The following SHISA9 variants were observed in gnomAD, a reference collection of about 807,000 sequenced individuals.
The protein encoded by SHISA9 is shisa family member 9.
A neutral mutation model predicts 38.0 loss-of-function variants in SHISA9; 13 were observed. The ratio of observed to expected loss-of-function variants is 0.34; its 90% confidence interval spans 0.22 to 0.54. The LOEUF (loss-of-function observed/expected upper bound fraction) is 0.54. Among genes scored for constraint, SHISA9 ranks in the 20% least tolerant of loss-of-function variants. The probability of loss-of-function intolerance (pLI) is 0.91; values close to 1 mark genes in which losing one functional copy is unlikely to be tolerated. For synonymous variants in SHISA9, 275 were observed against 242.0 expected (o/e 1.14, Z -1.27); for missense variants, 538 against 575.8 (o/e 0.93, Z 0.67).
At position 12,916,814 on chromosome 16, in the gene SHISA9, T is replaced by C. The variant is rs1408494780; in HGVS notation, c.690T>C (p.Leu230=). 1.3e-6 allele frequency: 2 copies of C among 1,551,544 alleles called. No individual in the cohort carries two copies. The highest frequency in any genetic ancestry group is 2.4e-5 in the South Asian group (2 of 84,036). ...NMDTRTPINN[L]HATQMNNAVP... is the part of the protein sequence containing the mutation. ...ACACGAGAACCCCCATAAATAATCT[T>C]CGTAAGTACAGCTGCATGAACCATT... Residue 230 remains leucine, a splice_region_variant and synonymous_variant, in exon 2 of 5, where the codon CTT becomes CTC. Transcript: ENST00000558583.
chr16:13,283,981 T>G, the SHISA9 span, among the ~76,000 whole-genome samples: 22 of 152,270 alleles, frequency 1.4e-4, no homozygotes, highest in African/African-American at 5.3e-4. Flanking sequence ...CACTTACAAG[T>G]GACCCCCTGC....
the SHISA9 span, among the ~76,000 whole-genome samples, chr16:13,461,600 G>A: frequency 7.0e-6 from 1 of 143,636 alleles, no homozygotes; most frequent in Non-Finnish European, 1.5e-5. Flanking sequence ...AAGATTTATA[G>A]ACTTTCTTTT....
chr16:13,451,956 C>G, the SHISA9 span, among the ~76,000 whole-genome samples: 1 of 152,180 alleles, frequency 6.6e-6, no homozygotes, highest in Non-Finnish European at 1.5e-5. Context: ...AGAAGGGGTA[C>G]AGAGAGACTG....
chr16:13,370,777 G>A, the SHISA9 span, among the ~76,000 whole-genome samples: 1 of 152,054 alleles, frequency 6.6e-6, no homozygotes, highest in Admixed American at 6.6e-5. Flanking sequence ...TTAAATATTA[G>A]AAGCCAAATT....
At chr16:13,404,813 A>T in the SHISA9 span, among the ~76,000 whole-genome samples, 1 of 152,226 alleles carries the variant, frequency 6.6e-6, no homozygotes, top group Non-Finnish European at 1.5e-5. Flanking sequence ...AGAAATGGAC[A>T]TGTGATCCAG....
At chr16:13,494,989 T>C in the SHISA9 span, among the ~76,000 whole-genome samples, 287 of 152,358 alleles carry the variant, frequency 1.9e-3, no homozygotes, top group African/African-American at 6.4e-3. Context: ...GATTACATAC[T>C]GTATGATTGC....
chr16:13,235,467 A>C lies in SHISA9; in HGVS notation c.*58A>C. On this transcript the variant is annotated 3_prime_UTR_variant, in exon 5 of 5. Transcript: ENST00000558583. The stretch of plus-strand genomic sequence containing the variant: ...ACTCAACTGAGAGAGGCAAAAAACA[A>C]CCCCGCCCACACCCTCCCCATCCTC... 1 of 1,471,436 alleles carries C rather than the reference A, an allele frequency of 6.8e-7. No individual in the cohort carries two copies. The highest frequency in any genetic ancestry group is 9.0e-7 in the Non-Finnish European group (1 of 1,112,732). The allele number at this position is 1,471,436 out of a possible 1,614,324, so 91.1% of individuals were successfully genotyped here.
chr16:13,405,112 A>C, the SHISA9 span, among the ~76,000 whole-genome samples: 1 of 152,200 alleles, frequency 6.6e-6, no homozygotes, highest in Non-Finnish European at 1.5e-5. Context: ...CTCAGAGAAA[A>C]TATAGGGATG....
At chr16:13,560,172 C>G in the SHISA9 span, among the ~76,000 whole-genome samples, 3 of 152,306 alleles carry the variant, frequency 2.0e-5, no homozygotes, top group South Asian at 6.2e-4. Flanking sequence ...TTTGGTTTCT[C>G]TCACTAGCAA....
chr16:13,389,436 T>C, the SHISA9 span, among the ~76,000 whole-genome samples: 2 of 152,232 alleles, frequency 1.3e-5, no homozygotes, highest in African/African-American at 4.8e-5. Flanking sequence ...CTATTGTTCA[T>C]GGTAAAAGTG....
chr16:13,342,907 G>A, the SHISA9 span, among the ~76,000 whole-genome samples: 1 of 152,124 alleles, frequency 6.6e-6, no homozygotes. Context: ...AAAAACCCAA[G>A]AGAATGGTTT....
chr16:13,496,235 T>A, the SHISA9 span, among the ~76,000 whole-genome samples: 1 of 152,136 alleles, frequency 6.6e-6, no homozygotes, highest in African/African-American at 2.4e-5. Flanking sequence ...AGTCTCATTT[T>A]TTTTCCTCCA....
At chr16:13,222,549 C>T (rs1241224117) in intron 4 of SHISA9, among the ~76,000 whole-genome samples, 2 of 152,124 alleles carry the variant, frequency 1.3e-5, no homozygotes, top group Non-Finnish European at 2.9e-5. Flanking sequence ...ATATCAGTCT[C>T]ATGGCCAAAT....
the SHISA9 span, among the ~76,000 whole-genome samples, chr16:13,450,096 G>A: frequency 6.6e-6 from 1 of 152,150 alleles, no homozygotes; most frequent in Non-Finnish European, 1.5e-5. Context: ...CAACCTGAGT[G>A]ATAGAGGGAG....
At chr16:13,056,378 CA>C (rs2073311116) in intron 2 of SHISA9, among the ~76,000 whole-genome samples, 1 of 152,136 alleles carries the variant, frequency 6.6e-6, no homozygotes, top group Non-Finnish European at 1.5e-5. Context: ...GGCCTGAAGG[CA>C]AGGAGATAAA....
intron 3 of SHISA9, among the ~76,000 whole-genome samples, chr16:13,209,502 G>A (rs2051098029): frequency 6.6e-6 from 1 of 152,160 alleles, no homozygotes. Flanking sequence ...TTGATGCCCA[G>A]GCATATAGAT....
intron 2 of SHISA9, among the ~76,000 whole-genome samples, chr16:12,993,423 C>A (rs1454412130): frequency 1.3e-5 from 2 of 152,126 alleles, no homozygotes; most frequent in Non-Finnish European, 2.9e-5. Context: ...AGTGGCGTGA[C>A]TTTAGGTGCA....
intron 2 of SHISA9, among the ~76,000 whole-genome samples, chr16:13,173,842 G>A (rs957547710): frequency 1.3e-5 from 2 of 152,200 alleles, no homozygotes; most frequent in African/African-American, 2.4e-5. Flanking sequence ...TTAGAGGAGA[G>A]TGGTTGAGCA....
At chr16:12,931,359 G>A (rs575764157) in intron 2 of SHISA9, among the ~76,000 whole-genome samples, 4 of 152,168 alleles carry the variant, frequency 2.6e-5, no homozygotes, top group South Asian at 2.1e-4. Context: ...GCTAAGGTCC[G>A]GGGTGCAAAT....
Sources: gnomAD v4.1 joint callset for allele counts (sites outside exome capture counted in the v4.1 genomes callset) on GRCh38, gnomAD v4.1.1 for gene constraint, MANE v1.5 for transcripts, NCBI Gene and HGNC (gene_info 2026-07-23, HGNC 2026-07-21) for gene names.